XKR6: variants seen among roughly 807,000 people sequenced by gnomAD.
XKR6 encodes XK related 6, also known as XK-related protein 6.
XKR6 carries 22 observed loss-of-function variants against 56.7 expected under a neutral mutation model. That is an observed-to-expected ratio of 0.39 (90% CI 0.28 to 0.55). The LOEUF (loss-of-function observed/expected upper bound fraction) is 0.55. Ranked by LOEUF, XKR6 falls within the 20% of genes least tolerant of loss-of-function variation. The pLI is 0.66. For missense variants in XKR6, 852 were observed against 889.0 expected (o/e 0.96, Z 0.53); for synonymous variants, 524 against 387.8 (o/e 1.35, Z -4.13).
At chr8:11,000,658 C>A (rs923559564) in intron 1 of XKR6, among the ~76,000 whole-genome samples, 1 of 152,154 alleles carries the variant, frequency 6.6e-6, no homozygotes, top group African/African-American at 2.4e-5. Context: ...GCACTCCAGT[C>A]TGGGCAAGAG....
intron 1 of XKR6, among the ~76,000 whole-genome samples, chr8:11,146,503 C>T (rs1800991203): frequency 6.6e-6 from 1 of 152,030 alleles, no homozygotes; most frequent in African/African-American, 2.4e-5. Flanking sequence ...GTGGCATGTG[C>T]CTGTATTCCC....
intron 1 of XKR6, among the ~76,000 whole-genome samples, chr8:10,938,573 T>C (rs971058172): frequency 8.5e-5 from 13 of 152,236 alleles, no homozygotes; most frequent in African/African-American, 3.1e-4. Flanking sequence ...CTCCAAGGCA[T>C]TATCCTAAAG....
chr8:11,107,686 G>A (rs1290044249), intron 1 of XKR6: 2 of 152,766 alleles, frequency 1.3e-5, no homozygotes, highest in African/African-American at 2.4e-5. Context: ...AGCATGCACA[G>A]AAACCCCTTG....
At chr8:11,190,692 G>A (rs1371368276) in intron 1 of XKR6, among the ~76,000 whole-genome samples, 3 of 152,172 alleles carry the variant, frequency 2.0e-5, no homozygotes, top group African/African-American at 7.2e-5. Context: ...CCCAGAGGTT[G>A]AAGAATATCA....
chr8:11,101,937 A>T (rs1400147094), intron 1 of XKR6, among the ~76,000 whole-genome samples: 3 of 152,104 alleles, frequency 2.0e-5, no homozygotes, highest in African/African-American at 7.2e-5. Context: ...CTAGTTTGTT[A>T]CAATCATGCC....
intron 1 of XKR6, among the ~76,000 whole-genome samples, chr8:10,941,777 G>A (rs540923295): frequency 2.4e-4 from 37 of 152,230 alleles, no homozygotes; most frequent in African/African-American, 8.7e-4. Context: ...CCCCACCCTC[G>A]ACCAGCAGGG....
chr8:11,035,403 T>C (rs1023266249), intron 1 of XKR6: 1 of 514,476 alleles, frequency 1.9e-6, no homozygotes, highest in Non-Finnish European at 4.0e-6. Flanking sequence ...AAAGTGCAAC[T>C]CCAGGAAAGA....
intron 1 of XKR6, among the ~76,000 whole-genome samples, chr8:11,063,613 A>G (rs1799902112): frequency 6.6e-6 from 1 of 152,138 alleles, no homozygotes; most frequent in South Asian, 2.1e-4. Context: ...ACAAACATGT[A>G]TATGCAAAAC....
intron 1 of XKR6, among the ~76,000 whole-genome samples, chr8:10,977,915 T>G (rs1802614753): frequency 6.6e-6 from 1 of 152,020 alleles, no homozygotes; most frequent in African/African-American, 2.4e-5. Context: ...TGGCAACTGG[T>G]GGTGATACAG....
chr8:11,167,728 G>T (rs933247893), intron 1 of XKR6, among the ~76,000 whole-genome samples: 1 of 152,050 alleles, frequency 6.6e-6, no homozygotes, highest in Non-Finnish European at 1.5e-5. Flanking sequence ...ACTATTGAAG[G>T]AGGGCCCCAG....
At chr8:10,979,313 T>C (rs150526576) in intron 1 of XKR6, among the ~76,000 whole-genome samples, 96 of 151,952 alleles carry the variant, frequency 6.3e-4, no homozygotes, top group Non-Finnish European at 1.1e-3. Flanking sequence ...AACCGAATAA[T>C]GCTCCTTTGT....
At chr8:11,188,305 A>C (rs1318023612) in intron 1 of XKR6, among the ~76,000 whole-genome samples, 1 of 152,222 alleles carries the variant, frequency 6.6e-6, no homozygotes, top group African/African-American at 2.4e-5. Flanking sequence ...CTACCTAAAA[A>C]TTAGTATGCA....
At chr8:10,984,718 C>CTA (rs1563328065) in intron 1 of XKR6, among the ~76,000 whole-genome samples, 14 of 85,026 alleles carry the variant, frequency 1.6e-4, no homozygotes, top group African/African-American at 6.2e-4. Flanking sequence ...CTCTCTCTCT[C>CTA]TCTCTCTCTC....
intron 1 of XKR6, among the ~76,000 whole-genome samples, chr8:11,196,782 CCTTT>C (rs1803913943): frequency 6.6e-6 from 1 of 152,214 alleles, no homozygotes; most frequent in Non-Finnish European, 1.5e-5. Context: ...AGTGCCTCGG[CCTTT>C]CTATTTAAGT....
intron 1 of XKR6, among the ~76,000 whole-genome samples, chr8:10,943,049 C>G (rs1171196156): frequency 3.9e-5 from 6 of 152,214 alleles, no homozygotes; most frequent in African/African-American, 9.6e-5. Context: ...CTGCATGGCC[C>G]AGGTAGGCAC....
intron 2 of XKR6, among the ~76,000 whole-genome samples, chr8:10,923,984 C>G (rs1413696499): frequency 6.6e-6 from 1 of 152,220 alleles, no homozygotes. Context: ...CATGGACTGT[C>G]TCTCACTTGT....
intron 1 of XKR6, among the ~76,000 whole-genome samples, chr8:11,032,788 C>T (rs1028436763): frequency 1.3e-5 from 2 of 152,138 alleles, no homozygotes; most frequent in African/African-American, 2.4e-5. Flanking sequence ...TCAGGACCTA[C>T]CTTACAAGGC....
chr8:11,044,654 T>C (rs575247905), intron 1 of XKR6, among the ~76,000 whole-genome samples: 26 of 151,742 alleles, frequency 1.7e-4, no homozygotes, highest in African/African-American at 6.3e-4. Flanking sequence ...TTTTTTGCTC[T>C]GTCACCTAGG....
At chr8:11,030,883 C>T (rs1424504407) in intron 1 of XKR6, among the ~76,000 whole-genome samples, 1 of 152,188 alleles carries the variant, frequency 6.6e-6, no homozygotes, top group Non-Finnish European at 1.5e-5. Context: ...TATGTCACTA[C>T]CATTCAATAA....
Sources: gnomAD v4.1 joint callset for allele counts (sites outside exome capture counted in the v4.1 genomes callset) on GRCh38, gnomAD v4.1.1 for gene constraint, MANE v1.5 for transcripts, NCBI Gene and HGNC (gene_info 2026-07-23, HGNC 2026-07-21) for gene names.